RIF1: variants seen among roughly 807,000 people sequenced by gnomAD.
RIF1 encodes replication timing regulatory factor 1, also known as telomere-associated protein RIF1.
In RIF1, 45 loss-of-function variants were observed where a neutral mutation model predicts 247.1. The observed-to-expected ratio is 0.18, with a 90% CI of 0.14 to 0.23. RIF1 has a LOEUF of 0.23. Among genes scored for constraint, RIF1 ranks in the 10% least tolerant of loss-of-function variants. The probability of loss-of-function intolerance (pLI) is 1.00; values close to 1 mark genes in which losing one functional copy is unlikely to be tolerated. For missense variants in RIF1, 2,967 were observed against 2,862.5 expected, an observed-to-expected ratio of 1.04 and a Z score of -0.83; for synonymous variants, 1,087 against 978.8, an observed-to-expected ratio of 1.11 and a Z score of -2.06.
At chr2:151,439,006 T>C (rs1390361176) in intron 14 of RIF1, among the ~76,000 whole-genome samples, 1 of 152,208 alleles carries the variant, frequency 6.6e-6, no homozygotes, top group African/African-American at 2.4e-5. Flanking sequence ...TTACTATCGA[T>C]TGGAAGCCTT....
rs867915829 is a variant in RIF1, at chr2:151,445,440, C to G, written c.2089C>G (p.Pro697Ala). ...VNHIFSEQRF[P>A]VATMKTLLRT... ...CCACATTTTTTCAGAACAGAGATTTCCAGTGGTAAGGCATTGTCAAGTATT... is the reference window on the plus strand; with the variant it reads ...CCACATTTTTTCAGAACAGAGATTTGCAGTGGTAAGGCATTGTCAAGTATT... Residue 697 changes from proline (P) to alanine (A), a missense_variant, in exon 19 of 36, where the codon CCA (proline) becomes GCA (alanine). This residue lies in a region of RIF1 where 76 missense variants were observed against 113.3 expected (regional missense o/e 0.67). Transcript: ENST00000444746. The G allele has an allele frequency of 2.0e-6, 3 of 1,498,064 alleles. No homozygotes were observed. The highest frequency in any genetic ancestry group is 2.8e-6 in the Non-Finnish European group (3 of 1,074,354). The allele number at this position is 1,498,064 out of a possible 1,614,324, so 92.8% of individuals were successfully genotyped here.
At chr2:151,493,520 T>TA in intron 9 of RIF1, 2 of 967,894 alleles carry the variant, frequency 2.1e-6, no homozygotes, top group East Asian at 4.9e-5. Context: ...TAGCTGGTGT[T>TA]ATGGCTCATG....
intron 9 of RIF1, among the ~76,000 whole-genome samples, chr2:151,489,437 C>T (rs1247465994): frequency 6.6e-6 from 1 of 152,168 alleles, no homozygotes; most frequent in Non-Finnish European, 1.5e-5. Flanking sequence ...CTCCCTCTGT[C>T]ATCCAGGCTG....
intron 21 of RIF1, among the ~76,000 whole-genome samples, chr2:151,454,320 G>A (rs1694840357): frequency 6.6e-6 from 1 of 152,050 alleles, no homozygotes. Flanking sequence ...TTATCTAAGG[G>A]TACAAAAAAT....
At chr2:151,534,108 A>T in the RIF1 span, 2 of 832,386 alleles carry the variant, frequency 2.4e-6, no homozygotes, top group Non-Finnish European at 3.9e-6. Flanking sequence ...GAACAACCCA[A>T]TATCATAGGC....
rs1270807936 is a variant in RIF1, at chr2:151,435,533, A to G, written c.1148A>G (p.His383Arg). 6.2e-7 allele frequency: 1 copy of G among 1,611,426 alleles called. No individual in the cohort carries two copies. Among genetic ancestry groups the G allele is most frequent in the East Asian group, 2.2e-5 (1 of 44,836 alleles). ...SNASPQGNSC[H>R]VATSPGLNPM... The stretch of plus-strand genomic sequence containing the variant: ...GCCTCACCTCAGGGCAATTCGTGTC[A>G]TGTAGCTACATCTCCAGGTTTAAAT... Residue 383 changes from histidine (H) to arginine (R), a missense_variant, in exon 11 of 36, where the codon CAT becomes CGT. Coordinates refer to ENST00000444746, the MANE Select transcript of RIF1 (RefSeq NM_018151.5).
intron 13 of RIF1, 138 bp downstream of exon 13, chr2:151,437,489 G>C (rs1191804517): frequency 3.1e-6 from 2 of 637,236 alleles, no homozygotes; most frequent in Non-Finnish European, 5.5e-6. Flanking sequence ...TCAGGAGTTC[G>C]AGACCAGCCT....
At chr2:151,494,403 G>T in intron 9 of RIF1, 1 of 638,032 alleles carries the variant, frequency 1.6e-6, no homozygotes, top group Non-Finnish European at 2.8e-6. Context: ...GTTTCCTAAG[G>T]AAGTTAAGTG....
intron 21 of RIF1, among the ~76,000 whole-genome samples, chr2:151,453,551 G>C (rs555530166): frequency 7.5e-6 from 1 of 133,068 alleles, no homozygotes; most frequent in African/African-American, 2.9e-5. Context: ...CACTCCACCA[G>C]CCTGGGCAAC....
Position 151,507,059 on chromosome 2 carries a change from T to C in RIF1, c.*1028-670T>C, listed in dbSNP as rs2069631668. ...TCTTGTTAAGATTTCAACATTGCTT[T>C]GTTTTCTTTATTTGTCCTATATTAT... is the stretch of plus-strand genomic sequence containing the variant. On this transcript the variant is annotated intron_variant and NMD_transcript_variant, in intron 13 of 13. Transcript: ENST00000454583. 3.4e-6 allele frequency: 4 copies of C among 1,190,664 alleles called. No individual in the cohort carries two copies. The South Asian group carries it at 5.0e-5, about 15-fold the overall frequency. The allele number at this position is 1,190,664 out of a possible 1,614,324, so 73.8% of individuals were successfully genotyped here.
Position 151,462,262 on chromosome 2 carries a change from A to T in RIF1, c.3248A>T (p.Tyr1083Phe). Residue 1083 changes from tyrosine (Y) to phenylalanine (F), a missense_variant, in exon 28 of 36, where the codon TAT becomes TTT. This residue lies in a region of RIF1 where 2,028 missense variants were observed against 1,825.6 expected (regional missense o/e 1.11). Coordinates refer to ENST00000444746, the MANE Select transcript of RIF1 (RefSeq NM_018151.5). ...KTKRCDIPAM[Y>F]NNLDVSQDTL... ...TTCAGGTGTGATATTCCTGCCATGT[A>T]TAATAATCTGGATGTTTCCCAAGAT... 6.3e-7 allele frequency: 1 copy of T among 1,587,630 alleles called. No homozygotes were observed. The highest frequency in any genetic ancestry group is 8.6e-7 in the Non-Finnish European group (1 of 1,163,004).
chr2:151,531,719 A>C, the RIF1 span: 1 of 1,183,762 alleles, frequency 8.4e-7, no homozygotes, highest in South Asian at 1.3e-5. Flanking sequence ...ACTTTGTGAC[A>C]ATTTAAAATG....
rs1183918313 is a variant in RIF1, at chr2:151,410,036, G to A, written c.-11+3G>A. Reference sequence around the variant, plus strand: ...GAACCCTGTCCTGATCTTCCTAGGTGGGATAAATATCGGGGTGACAGTGGT... The same window carrying A: ...GAACCCTGTCCTGATCTTCCTAGGTAGGATAAATATCGGGGTGACAGTGGT... On this transcript the variant is annotated splice_donor_region_variant and intron_variant, in intron 1 of 35. Transcript: ENST00000444746. 7.1e-6 allele frequency: 5 copies of A among 702,808 alleles called. No individual in the cohort carries two copies. Among genetic ancestry groups the A allele is most frequent in the Non-Finnish European group, 1.0e-5 (4 of 384,942 alleles). The allele number at this position is 702,808 out of a possible 1,614,324, so 43.5% of individuals were successfully genotyped here.
chr2:151,525,833 C>T, the RIF1 span: 1 of 799,458 alleles, frequency 1.3e-6, no homozygotes, highest in Non-Finnish European at 2.2e-6. Flanking sequence ...TTAAGATTCA[C>T]ATGTAGATAT....
In RIF1 at chr2:151,438,688, G is replaced by A. The variant is rs751810438; in HGVS notation, c.1488G>A (p.Val496=). The A allele has an allele frequency of 1.9e-6, 3 of 1,610,480 alleles. No individual in the cohort carries two copies. Among genetic ancestry groups the A allele is most frequent in the South Asian group, 2.2e-5 (2 of 91,014 alleles). ...FVAVGKDAPD[V]VVSAIWKELI... is the part of the protein sequence containing the mutation. Reference sequence around the variant, plus strand: ...CAAGTTTATTTTGTTTGACAGATGTGGTTGTCAGTGCTATCTGGAAGGAGC... The same window carrying A: ...CAAGTTTATTTTGTTTGACAGATGTAGTTGTCAGTGCTATCTGGAAGGAGC... Residue 496 remains valine, a synonymous_variant, in exon 14 of 36, where the codon GTG becomes GTA. Coordinates refer to ENST00000444746, the MANE Select transcript of RIF1 (RefSeq NM_018151.5).
the RIF1 span, among the ~76,000 whole-genome samples, chr2:151,515,111 G>A: frequency 6.6e-6 from 1 of 152,122 alleles, no homozygotes; most frequent in Admixed American, 6.5e-5. Context: ...GGAGCAAATG[G>A]CCACAAGGAA....
At chr2:151,461,090 T>C in intron 26 of RIF1, 48 bp from the exon 27 acceptor site, 1 of 1,547,190 alleles carries the variant, frequency 6.5e-7, no homozygotes. Flanking sequence ...TATTGGAAAA[T>C]AATTTGGAAG....
Position 151,463,989 on chromosome 2 carries a change from T to G in RIF1, c.4469T>G (p.Leu1490Arg). 6.2e-7 allele frequency: 1 copy of G among 1,608,694 alleles called. No homozygotes were observed. The highest frequency in any genetic ancestry group is 1.7e-5 in the Admixed American group (1 of 58,636). Residue 1490 changes from leucine (L) to arginine (R), a missense_variant, in exon 30 of 36, where the codon CTT becomes CGT. Physicochemically the swap from Leu to Arg is moderately radical, Grantham distance 102 (BLOSUM62 -2). Coordinates refer to ENST00000444746, the MANE Select transcript of RIF1 (RefSeq NM_018151.5). ...EKGSNLHEKT[L>R]GETSANAETE... is the part of the protein sequence containing the mutation. ...GGAAGTAATTTACATGAGAAGACTCTTGGGGAAACTAGTGCTAATGCAGAA... is the reference window on the plus strand; with the variant it reads ...GGAAGTAATTTACATGAGAAGACTCGTGGGGAAACTAGTGCTAATGCAGAA...
chr2:151,443,289 A>G lies in RIF1; in HGVS notation c.1765A>G (p.Ile589Val), dbSNP rs1692685600. 1 of 1,601,114 alleles carries G rather than the reference A, an allele frequency of 6.2e-7. No homozygotes were observed. Among genetic ancestry groups the G allele is most frequent in the Admixed American group, 1.7e-5 (1 of 59,612 alleles). The change falls in exon 17 of 36, where the codon ATT becomes GTT. Residue 589 changes from isoleucine (I) to valine (V), a missense_variant. Physicochemically the swap from Ile to Val is conservative, Grantham distance 29. This residue lies in a region of RIF1 where 369 missense variants were observed against 322.0 expected (regional missense o/e 1.15). Coordinates refer to ENST00000444746, the MANE Select transcript of RIF1 (RefSeq NM_018151.5). ...GTPALFLIQL[I>V]FNNFLECGVS... ...TCCAGCTTTGTTCTTAATTCAATTA[A>G]TTTTCAACAATTTCTTGGAATGTGG...
Sources: gnomAD v4.1 joint callset for allele counts (sites outside exome capture counted in the v4.1 genomes callset) on GRCh38, gnomAD v4.1.1 for gene constraint, gnomAD v4.1.1 regional missense constraint, MANE v1.5 for transcripts, NCBI Gene and HGNC (gene_info 2026-07-23, HGNC 2026-07-21) for gene names.